The following ZNF83 variants were observed in gnomAD, a reference collection of about 807,000 sequenced individuals.
ZNF83 encodes the protein zinc finger protein 816B.
For missense variants in ZNF83, 552 were observed against 629.9 expected (o/e 0.88, Z 1.32); for synonymous variants, 209 against 213.0 (o/e 0.98, Z 0.17).
chr19:52,664,805 G>T (rs964132213), intron 1 of ZNF83, among the ~76,000 whole-genome samples: 1 of 151,908 alleles, frequency 6.6e-6, no homozygotes, highest in African/African-American at 2.4e-5. Context: ...GCAGGGGAAT[G>T]AAGGGGTCAG....
intron 1 of ZNF83, among the ~76,000 whole-genome samples, chr19:52,688,898 A>G (rs569113250): frequency 2.0e-5 from 3 of 151,584 alleles, no homozygotes. Flanking sequence ...CGAATAGCCA[A>G]GTCTAAATGA....
At position 52,682,394 on chromosome 19, in the gene ZNF83, T is replaced by A. The variant is rs1051123981; in HGVS notation, c.-283+8049A>T. 3.3e-5 allele frequency among the ~76,000 whole-genome samples: 5 copies of A among 151,994 alleles called. No homozygotes were observed. The East Asian group carries it at 9.7e-4, about 30-fold the overall frequency. On this transcript the variant is annotated intron_variant, in intron 1 of 5. Transcript: ENST00000594682. ...AAAAATACAATATAAAAAATAATTC[T>A]GGAAGTGGTGGCTCATGCCTGAAAT...
At chr19:52,664,635 TG>T (rs1568572155) in intron 1 of ZNF83, among the ~76,000 whole-genome samples, 1 of 150,238 alleles carries the variant, frequency 6.7e-6, no homozygotes, top group Non-Finnish European at 1.5e-5. Context: ...AAGCCAGGAC[TG>T]GGGGGTGGAA....
intron 1 of ZNF83, among the ~76,000 whole-genome samples, chr19:52,671,922 C>A (rs1243924108): frequency 6.6e-6 from 1 of 152,032 alleles, no homozygotes; most frequent in Non-Finnish European, 1.5e-5. Flanking sequence ...TACTTGGGCC[C>A]TGAAAAAATA....
At chr19:52,630,261 A>G (rs1398930525) in intron 2 of ZNF83, among the ~76,000 whole-genome samples, 38 of 152,308 alleles carry the variant, frequency 2.5e-4, no homozygotes. Flanking sequence ...ACACTGCCCG[A>G]TCGCCTCGGA....
chr19:52,664,759 G>T (rs1436334210), intron 1 of ZNF83, among the ~76,000 whole-genome samples: 2 of 151,396 alleles, frequency 1.3e-5, no homozygotes, highest in African/African-American at 2.4e-5. Context: ...GGTGTGGGGG[G>T]GTGAGGGGGG....
intron 2 of ZNF83, among the ~76,000 whole-genome samples, chr19:52,616,486 A>C (rs1205956942): frequency 6.6e-6 from 1 of 152,234 alleles, no homozygotes; most frequent in Non-Finnish European, 1.5e-5. Context: ...AATGCCCATC[A>C]AGGATATACT....
At chr19:52,657,290 G>A (rs2061519110) in intron 2 of ZNF83, among the ~76,000 whole-genome samples, 1 of 152,072 alleles carries the variant, frequency 6.6e-6, no homozygotes, top group Admixed American at 6.6e-5. Context: ...CAATACATGG[G>A]TTCAAAATCA....
chr19:52,633,891 C>G (rs2061056737), intron 2 of ZNF83, among the ~76,000 whole-genome samples: 2 of 152,038 alleles, frequency 1.3e-5, no homozygotes, highest in African/African-American at 4.8e-5. Context: ...GACTGGGCAA[C>G]AAGAGTGAAA....
chr19:52,671,890 T>A (rs1274013135), intron 1 of ZNF83, among the ~76,000 whole-genome samples: 1 of 152,210 alleles, frequency 6.6e-6, no homozygotes, highest in African/African-American at 2.4e-5. Flanking sequence ...TAAGAATACA[T>A]TGCAGTCAAG....
In ZNF83 at chr19:52,616,158, T is replaced by A. The variant is rs140622930; in HGVS notation, c.-233-1361A>T. On this transcript the variant is annotated intron_variant, in intron 2 of 2. Coordinates refer to ENST00000301096, the Ensembl canonical transcript of ZNF83. ...CAGCCAAATCTTTTCTTAAATAAAG[T>A]AACTTTTCCATCTTTACAAAAACTT... 3.0e-3 allele frequency among the ~76,000 whole-genome samples: 462 copies of A among 152,280 alleles called. 6 individuals carry two copies. The highest frequency in any genetic ancestry group is 0.01 in the African/African-American group (425 of 41,568).
chr19:52,641,624 A>C (rs1316596622), upstream of ZNF83, among the ~76,000 whole-genome samples: 7 of 152,104 alleles, frequency 4.6e-5, no homozygotes. Context: ...CTTGTTGCCC[A>C]GGCTGGAGTG....
At chr19:52,666,027 G>A (rs2061646065) in intron 1 of ZNF83, among the ~76,000 whole-genome samples, 1 of 151,914 alleles carries the variant, frequency 6.6e-6, no homozygotes, top group South Asian at 2.1e-4. Flanking sequence ...AGCCGGGCAT[G>A]GTGATGGGTG....
intron 1 of ZNF83, among the ~76,000 whole-genome samples, chr19:52,637,692 C>T (rs948081011): frequency 4.6e-5 from 7 of 152,148 alleles, no homozygotes; most frequent in Non-Finnish European, 1.0e-4. Flanking sequence ...TTGGATAAGA[C>T]GCCTGCATCC....
rs1600259382 is a variant in ZNF83 at position 52,673,798 on chromosome 19, T to A, written c.-282-12955A>T. 4.0e-5 allele frequency among the ~76,000 whole-genome samples: 6 copies of A among 150,276 alleles called. No homozygotes were observed. The South Asian group carries it at 1.3e-3, about 32-fold the overall frequency. On this transcript the variant is annotated intron_variant, in intron 1 of 5. Transcript: ENST00000594682. ...GGGAGGCTGAGGTGGGCCAATCACC[T>A]CAGGTCAAAAGTTCGAGACCAGCCT...
At chr19:52,639,562 C>A (rs113787554), upstream of ZNF83, among the ~76,000 whole-genome samples, 348 of 151,334 alleles carry the variant, frequency 2.3e-3, 1 homozygote, top group African/African-American at 8.3e-3. Context: ...ACATTACAGA[C>A]GCGCACAACC....
intron 1 of ZNF83, among the ~76,000 whole-genome samples, chr19:52,669,253 G>C (rs1250893361): frequency 2.0e-5 from 3 of 152,110 alleles, no homozygotes; most frequent in Non-Finnish European, 4.4e-5. Context: ...TCCCTTATGG[G>C]TCTTTTGACT....
chr19:52,634,282 CAATAATAAT>C (rs56152633), intron 2 of ZNF83, among the ~76,000 whole-genome samples: 1 of 148,522 alleles, frequency 6.7e-6, no homozygotes, highest in Non-Finnish European at 1.5e-5. Context: ...AAAGCAACAA[CAATAATAAT>C]AATAATAATA....
intron 1 of ZNF83, among the ~76,000 whole-genome samples, chr19:52,669,044 AT>A (rs35420521): frequency 0.082 from 12,437 of 152,192 alleles, 550 homozygotes; most frequent in Non-Finnish European, 0.11. Flanking sequence ...AGAGCTTAAA[AT>A]TTTTCAAAAG....
Sources: allele counts gnomAD v4.1 joint callset (sites outside exome capture counted in the v4.1 genomes callset), GRCh38; gene constraint gnomAD v4.1.1; transcripts MANE v1.5; gene names NCBI Gene and HGNC (gene_info 2026-07-23, HGNC 2026-07-21).